Variants in VWC2 observed in about 807,000 individuals in gnomAD.
The protein encoded by VWC2 is von Willebrand factor C domain containing 2.
A neutral mutation model predicts 29.8 loss-of-function variants in VWC2; 14 were observed. The ratio of observed to expected loss-of-function variants is 0.47; its 90% CI spans 0.31 to 0.74. The LOEUF is 0.74. VWC2 is among the 30% of genes least tolerant of loss of function. The pLI is 0.05. For missense variants in VWC2, 457 were observed against 459.8 expected, an observed-to-expected ratio of 0.99 and a Z score of 0.05; for synonymous variants, 213 against 199.0, an observed-to-expected ratio of 1.07 and a Z score of -0.59.
At chr7:49,801,304 T>A (rs1788731281) in intron 2 of VWC2, among the ~76,000 whole-genome samples, 1 of 152,222 alleles carries the variant, frequency 6.6e-6, no homozygotes, top group East Asian at 1.9e-4. Flanking sequence ...TCCCTGCCCC[T>A]GGCAAAGCAG....
At chr7:49,893,932 A>C (rs1046746182) in intron 3 of VWC2, among the ~76,000 whole-genome samples, 10 of 152,214 alleles carry the variant, frequency 6.6e-5, no homozygotes, top group Non-Finnish European at 1.5e-4. Flanking sequence ...CTAAAATAAA[A>C]TGCGTTGCCA....
chr7:49,879,504 A>C (rs570006800), intron 3 of VWC2, among the ~76,000 whole-genome samples: 1 of 152,158 alleles, frequency 6.6e-6, no homozygotes, highest in South Asian at 2.1e-4. Context: ...AATAGAATGC[A>C]GAATCACCAA....
At chr7:49,848,393 G>T (rs1444215076) in intron 3 of VWC2, among the ~76,000 whole-genome samples, 1 of 152,226 alleles carries the variant, frequency 6.6e-6, no homozygotes, top group African/African-American at 2.4e-5. Context: ...GCCCTGCAGT[G>T]TGTGAGAGCC....
chr7:49,822,262 T>C (rs1188782733), intron 3 of VWC2, among the ~76,000 whole-genome samples: 1 of 152,176 alleles, frequency 6.6e-6, no homozygotes, highest in Admixed American at 6.5e-5. Context: ...TGCCCTGTCA[T>C]ATATCAATCA....
At chr7:49,847,363 G>A (rs575684172) in intron 3 of VWC2, among the ~76,000 whole-genome samples, 1 of 152,158 alleles carries the variant, frequency 6.6e-6, no homozygotes, top group South Asian at 2.1e-4. Context: ...AGTGTTATCT[G>A]TGCTGTAGAA....
rs770487310 is a variant in VWC2 at position 49,866,226 on chromosome 7, G to A, written c.827-45808G>A. On this transcript the variant is annotated intron_variant, in intron 3 of 3. Coordinates refer to ENST00000340652, the MANE Select transcript of VWC2 (RefSeq NM_198570.5). The stretch of plus-strand genomic sequence containing the variant: ...AGCTGGGAGAACCAATAGACCCTTC[G>A]CCAGATGTGTTCACTGGGTATGCTT... 6.0e-4 allele frequency among the ~76,000 whole-genome samples: 91 copies of A among 152,114 alleles called. 2 individuals carry two copies. Among genetic ancestry groups the A allele is most frequent in the African/African-American group, 2.1e-3 (85 of 41,426 alleles).
rs565045849 is a variant in VWC2, at chr7:49,774,406, C to G, written c.-104+293C>G. On this transcript the variant is annotated intron_variant, in intron 1 of 3. Transcript: ENST00000340652. ...GTTCGGGGAGTGAGGCGGAGAGAGG[C>G]TGGATTGCCGGTGTCCTGCGGCGTC... Among the ~76,000 whole-genome samples, 68 of 152,332 alleles carry G rather than the reference C, an allele frequency of 4.5e-4. No individual in the cohort carries two copies. The Middle Eastern group carries it at 0.014, about 30-fold the overall frequency.
chr7:49,847,107 G>A (rs986517990), intron 3 of VWC2, among the ~76,000 whole-genome samples: 11 of 152,156 alleles, frequency 7.2e-5, no homozygotes, highest in African/African-American at 2.6e-4. Context: ...GCAAGCTGTA[G>A]AGAGGGACTT....
At chr7:49,890,442 TTG>T (rs1792079300) in intron 3 of VWC2, among the ~76,000 whole-genome samples, 1 of 152,172 alleles carries the variant, frequency 6.6e-6, no homozygotes, top group Non-Finnish European at 1.5e-5. Context: ...AATATGCTGT[TTG>T]ACTTTTTACA....
chr7:49,853,577 G>A (rs1790285556), intron 3 of VWC2, among the ~76,000 whole-genome samples: 1 of 151,770 alleles, frequency 6.6e-6, no homozygotes, highest in Admixed American at 6.6e-5. Context: ...CCTATAATGA[G>A]ATTAAATGAA....
At chr7:49,799,603 C>T (rs1421398005) in intron 2 of VWC2, among the ~76,000 whole-genome samples, 1 of 152,176 alleles carries the variant, frequency 6.6e-6, no homozygotes, top group Non-Finnish European at 1.5e-5. Flanking sequence ...GCCTGATTGG[C>T]GATCCTAATT....
intron 3 of VWC2, among the ~76,000 whole-genome samples, chr7:49,905,088 CACTT>C (rs769042600): frequency 1.4e-3 from 209 of 152,296 alleles, no homozygotes; most frequent in Non-Finnish European, 2.3e-3. Context: ...AGCTAAAAAT[CACTT>C]AAGATGAAGA....
intron 3 of VWC2, among the ~76,000 whole-genome samples, chr7:49,896,820 A>ACCTCAATT (rs1792404497): frequency 6.6e-6 from 1 of 151,938 alleles, no homozygotes; most frequent in South Asian, 2.1e-4. Flanking sequence ...AATGCAAACT[A>ACCTCAATT]CCTCAATTCA....
At chr7:49,799,619 C>A (rs1244264520) in intron 2 of VWC2, among the ~76,000 whole-genome samples, 1 of 152,236 alleles carries the variant, frequency 6.6e-6, no homozygotes, top group Non-Finnish European at 1.5e-5. Context: ...TAATTCTAAG[C>A]ATCAACTCTG....
At chr7:49,834,517 G>A (rs1320090228) in intron 3 of VWC2, among the ~76,000 whole-genome samples, 2 of 152,202 alleles carry the variant, frequency 1.3e-5, no homozygotes, top group Non-Finnish European at 2.9e-5. Context: ...CCTACTGAGT[G>A]TCAGTCTGTA....
At chr7:49,805,962 G>T (rs1480449574) in intron 3 of VWC2, among the ~76,000 whole-genome samples, 1 of 152,182 alleles carries the variant, frequency 6.6e-6, no homozygotes, top group East Asian at 1.9e-4. Context: ...AACCAAGAAT[G>T]CCTTGAATAT....
At chr7:49,877,479 AAAATATAT>A (rs1333175839) in intron 3 of VWC2, among the ~76,000 whole-genome samples, 1 of 12,742 alleles carries the variant, frequency 7.8e-5, no homozygotes, top group African/African-American at 3.8e-4. Context: ...AAAAAAAAAA[AAAATATAT>A]ATATATATAT....
intron 3 of VWC2, among the ~76,000 whole-genome samples, chr7:49,893,241 G>T (rs1353537831): frequency 6.6e-6 from 1 of 152,108 alleles, no homozygotes; most frequent in Admixed American, 6.6e-5. Flanking sequence ...AAGGAGTTAT[G>T]CACTAGGTTC....
At chr7:49,877,481 A>AAAAAATATATATATAT in intron 3 of VWC2, among the ~76,000 whole-genome samples, 1 of 12,722 alleles carries the variant, frequency 7.9e-5, no homozygotes, top group Non-Finnish European at 1.4e-4. Context: ...AAAAAAAAAA[A>AAAAAATATATATATAT]ATATATATAT....
Sources: gnomAD v4.1 joint callset for allele counts (sites outside exome capture counted in the v4.1 genomes callset) on GRCh38, gnomAD v4.1.1 for gene constraint, MANE v1.5 for transcripts, NCBI Gene and HGNC (gene_info 2026-07-23, HGNC 2026-07-21) for gene names.